Variants in PC observed in about 807,000 individuals in gnomAD.
The protein encoded by PC is pyruvate carboxylase, also known as pyruvate carboxylase, mitochondrial.
PC carries 46 observed loss-of-function variants against 107.8 expected under a neutral mutation model. That is an observed-to-expected ratio of 0.43 (90% CI 0.34 to 0.55). PC has a LOEUF of 0.55. Among genes scored for constraint, PC ranks in the 20% least tolerant of loss-of-function variants. The probability of loss-of-function intolerance (pLI) is 0.04; values close to 1 mark genes in which losing one functional copy is unlikely to be tolerated. For synonymous variants in PC, 662 were observed against 684.7 expected (o/e 0.97, Z 0.52); for missense variants, 1,241 against 1,643.1 (o/e 0.76, Z 4.23).
At chr11:66,939,514 T>C (rs1456949767) in intron 3 of PC, among the ~76,000 whole-genome samples, 1 of 152,084 alleles carries the variant, frequency 6.6e-6, no homozygotes, top group Non-Finnish European at 1.5e-5. Context: ...TACTTAAAAC[T>C]CCTGCAGAGG....
intron 10 of PC, among the ~76,000 whole-genome samples, chr11:66,868,401 A>C (rs1030022325): frequency 2.6e-5 from 4 of 152,252 alleles, no homozygotes; most frequent in African/African-American, 9.6e-5. Context: ...AAGTAGAATA[A>C]AAATTCTATA....
At chr11:66,905,128 C>A (rs1393908677) in intron 3 of PC, among the ~76,000 whole-genome samples, 1 of 152,242 alleles carries the variant, frequency 6.6e-6, no homozygotes, top group Non-Finnish European at 1.5e-5. Flanking sequence ...TAAAACATGG[C>A]CTCTGCCTTT....
Position 66,923,161 on chromosome 11 carries a change from T to C in PC, c.-1+29269A>G, listed in dbSNP as rs558192519. On this transcript the variant is annotated intron_variant, in intron 3 of 22. Transcript: ENST00000393960. ...GCGGGTGGATCACGAGGTCAGGAGA[T>C]CGAGACCATCCTAACACGATGAAAC... 8.2e-4 allele frequency among the ~76,000 whole-genome samples: 124 copies of C among 151,936 alleles called. 1 individual carries two copies. The highest frequency in any genetic ancestry group is 3.0e-3 in the African/African-American group (124 of 41,452).
intron 3 of PC, among the ~76,000 whole-genome samples, chr11:66,896,373 C>T (rs551681161): frequency 6.6e-6 from 1 of 152,330 alleles, no homozygotes; most frequent in East Asian, 1.9e-4. Context: ...GCCATGGCTC[C>T]TGGCCCCAAC....
intron 12 of PC, among the ~76,000 whole-genome samples, chr11:66,856,298 G>T (rs1415663294): frequency 1.3e-5 from 2 of 152,340 alleles, no homozygotes; most frequent in Admixed American, 6.5e-5. Flanking sequence ...GGGAAGCCGC[G>T]CCGCGCAGAC....
rs1946625541 is a variant in PC at position 66,869,218 on chromosome 11, A to T, written c.904-254T>A. Among the ~76,000 whole-genome samples, 4 of 152,014 alleles carry T rather than the reference A, an allele frequency of 2.6e-5. No homozygotes were observed. In the South Asian group the frequency reaches 8.3e-4, roughly 32 times the overall value. On this transcript the variant is annotated intron_variant, in intron 9 of 22. Coordinates refer to ENST00000393960, the MANE Select transcript of PC (RefSeq NM_001040716.2). ...GATGGCTGCACCCAGCTTATCTGGG[A>T]CGAGACATGGGCAGAAGCCCCCACC...
chr11:66,934,324 G>C (rs1948941356), intron 3 of PC: 1 of 152,634 alleles, frequency 6.6e-6, no homozygotes, highest in Non-Finnish European at 1.5e-5. Context: ...ATGACTGTGT[G>C]ATTTCATTTG....
chr11:66,912,432 G>A (rs1022389494), intron 3 of PC, among the ~76,000 whole-genome samples: 2 of 152,158 alleles, frequency 1.3e-5, no homozygotes, highest in African/African-American at 4.8e-5. Flanking sequence ...TGCCAGTTTT[G>A]GAATAAAACA....
At chr11:66,850,631 C>T (rs576589077) in intron 18 of PC, 43 bp downstream of exon 18, 80 of 1,602,482 alleles carry the variant, frequency 5.0e-5, no homozygotes, top group South Asian at 4.8e-4. Context: ...GTGGTGGCTG[C>T]GGCTTTGAGA....
chr11:66,856,135 A>T (rs995214673), intron 12 of PC, among the ~76,000 whole-genome samples: 10 of 151,284 alleles, frequency 6.6e-5, no homozygotes, highest in Non-Finnish European at 1.2e-4. Flanking sequence ...GAAGCAAAGA[A>T]CCTCCCCCAC....
rs542596780 is a variant in PC, at chr11:66,938,825, A to G, written c.-1+13605T>C. Among the ~76,000 whole-genome samples the G allele has an allele frequency of 9.2e-5, 14 of 152,328 alleles. No individual in the cohort carries two copies. In the South Asian group the frequency reaches 2.9e-3, roughly 32 times the overall value. ...TAAAGGCTACATCATATGACACAGAACAGACTTCATATGTAGCAATCATTT... is the reference window on the plus strand; with the variant it reads ...TAAAGGCTACATCATATGACACAGAGCAGACTTCATATGTAGCAATCATTT... On this transcript the variant is annotated intron_variant, in intron 3 of 22. Transcript: ENST00000393960.
At chr11:66,905,859 C>T (rs1016642015) in intron 3 of PC, among the ~76,000 whole-genome samples, 11 of 152,054 alleles carry the variant, frequency 7.2e-5, no homozygotes, top group African/African-American at 1.9e-4. Flanking sequence ...CAGGCCCTGG[C>T]GAGCTTAGCC....
chr11:66,859,069 G>A lies in PC; in HGVS notation c.1368+4705C>T, dbSNP rs746648364. 4 of 1,492,970 alleles carry A rather than the reference G, an allele frequency of 2.7e-6. No individual in the cohort carries two copies. The highest frequency in any genetic ancestry group is 2.4e-5 in the East Asian group (1 of 41,830). The allele number at this position is 1,492,970 out of a possible 1,614,324, so 92.5% of individuals were successfully genotyped here. On this transcript the variant is annotated intron_variant, in intron 12 of 22. Coordinates refer to ENST00000393960, the MANE Select transcript of PC (RefSeq NM_001040716.2). ...ATGTTCCAAATCCAGTACAACAGCA[G>A]CGAAGATGAGACCCTCATCTACCGG...
intron 12 of PC, chr11:66,860,168 C>T (rs1346942911): frequency 7.8e-6 from 12 of 1,547,302 alleles, no homozygotes; most frequent in East Asian, 4.9e-5. Context: ...GAGGCAGCGC[C>T]GAGCGGCTGG....
chr11:66,860,814 G>T (rs928022116), intron 12 of PC: 3 of 678,286 alleles, frequency 4.4e-6, no homozygotes, highest in Non-Finnish European at 8.0e-6. Context: ...GCACTTCAGG[G>T]TCTGCGGGGC....
At chr11:66,861,286 C>T (rs112117601) in intron 12 of PC, among the ~76,000 whole-genome samples, 3,365 of 152,280 alleles carry the variant, frequency 0.022, 131 homozygotes, top group East Asian at 0.14. Flanking sequence ...GGGGCATGGG[C>T]AGACGTGGCC....
intron 3 of PC, among the ~76,000 whole-genome samples, chr11:66,892,200 A>G (rs1056511504): frequency 1.3e-5 from 2 of 152,170 alleles, no homozygotes; most frequent in Non-Finnish European, 2.9e-5. Flanking sequence ...GGCTCGGGTG[A>G]AAGACTGGCC....
chr11:66,921,926 C>T (rs1165574411), intron 3 of PC, among the ~76,000 whole-genome samples: 2 of 152,186 alleles, frequency 1.3e-5, no homozygotes, highest in Non-Finnish European at 1.5e-5. Flanking sequence ...TGAGATCTGA[C>T]TGTCAAGGAT....
intron 3 of PC, among the ~76,000 whole-genome samples, chr11:66,874,649 G>A (rs1251593052): frequency 6.6e-6 from 1 of 152,180 alleles, no homozygotes; most frequent in Admixed American, 6.5e-5. Flanking sequence ...ACCCCACTAG[G>A]GGCAGACCTT....
Sources: allele counts gnomAD v4.1 joint callset (sites outside exome capture counted in the v4.1 genomes callset), GRCh38; gene constraint gnomAD v4.1.1; transcripts MANE v1.5; gene names NCBI Gene and HGNC (gene_info 2026-07-23, HGNC 2026-07-21).